The following MIA2 variants were observed in gnomAD, a reference collection of about 807,000 sequenced individuals.
The protein encoded by MIA2 is MIA SH3 domain ER export factor 2.
MIA2 carries 127 observed loss-of-function variants against 167.8 expected under a neutral mutation model. That is an observed-to-expected ratio of 0.76 (90% confidence interval 0.66 to 0.88). The LOEUF (loss-of-function observed/expected upper bound fraction) is 0.88. MIA2 is among the 40% of genes least tolerant of loss of function. The pLI, the probability that MIA2 is intolerant of heterozygous loss-of-function variation, is 0.00. For missense variants in MIA2, 1,690 were observed against 1,624.7 expected (o/e 1.04, Z -0.69); for synonymous variants, 552 against 541.9 (o/e 1.02, Z -0.26).
At chr14:39,360,336 T>C (rs184481711) in intron 23 of MIA2, among the ~76,000 whole-genome samples, 35 of 152,318 alleles carry the variant, frequency 2.3e-4, no homozygotes, top group Admixed American at 1.9e-3. Context: ...GATATCTCAC[T>C]GTGGCTTTGA....
intron 6 of MIA2, among the ~76,000 whole-genome samples, chr14:39,261,999 A>T (rs968195197): frequency 6.6e-6 from 1 of 151,976 alleles, no homozygotes; most frequent in Admixed American, 6.6e-5. Flanking sequence ...GTTTAATTAG[A>T]TCCCATTTGT....
At chr14:39,297,719 GAGAT>G (rs1179777739) in intron 13 of MIA2, among the ~76,000 whole-genome samples, 2 of 151,440 alleles carry the variant, frequency 1.3e-5, no homozygotes, top group Non-Finnish European at 2.9e-5. Flanking sequence ...GAAAGAGACA[GAGAT>G]AGAGAATGAA....
At chr14:39,303,562 A>G (rs1206781106) in intron 16 of MIA2, 38 bp downstream of exon 16, 2 of 1,497,780 alleles carry the variant, frequency 1.3e-6, no homozygotes, top group Non-Finnish European at 9.2e-7. Context: ...ATAAGGAGGA[A>G]GAAAGAGAAC....
intron 6 of MIA2, among the ~76,000 whole-genome samples, chr14:39,259,241 T>G (rs1293884441): frequency 6.6e-6 from 1 of 152,200 alleles, no homozygotes; most frequent in East Asian, 1.9e-4. Flanking sequence ...AATGGGGGTT[T>G]TGTCTGTAAG....
intron 14 of MIA2, among the ~76,000 whole-genome samples, chr14:39,301,818 G>T (rs1229719390): frequency 1.3e-5 from 2 of 152,056 alleles, no homozygotes; most frequent in African/African-American, 4.8e-5. Flanking sequence ...GTTAATTAGG[G>T]CACTGTTATT....
At chr14:39,333,362 ATTAG>A (rs1432379792) in intron 25 of MIA2, among the ~76,000 whole-genome samples, 3 of 152,150 alleles carry the variant, frequency 2.0e-5, no homozygotes, top group Non-Finnish European at 2.9e-5. Flanking sequence ...CAGCTCAAAT[ATTAG>A]TTCAGTTATT....
intron 14 of MIA2, among the ~76,000 whole-genome samples, chr14:39,301,573 G>A (rs545475021): frequency 6.6e-6 from 1 of 152,196 alleles, no homozygotes; most frequent in East Asian, 1.9e-4. Flanking sequence ...TCCCTCCAGA[G>A]GAATACATGA....
chr14:39,349,300 A>T (rs1468219301), intron 28 of MIA2, among the ~76,000 whole-genome samples: 2 of 151,502 alleles, frequency 1.3e-5, no homozygotes, highest in Non-Finnish European at 2.9e-5. Context: ...TTATTCTGAC[A>T]GTTAGTGAAA....
At chr14:39,316,152 G>T (rs964727208) in intron 21 of MIA2, among the ~76,000 whole-genome samples, 10 of 152,190 alleles carry the variant, frequency 6.6e-5, no homozygotes, top group Non-Finnish European at 1.5e-5. Context: ...CTGATCCTCA[G>T]TGTTGAATTA....
intron 6 of MIA2, chr14:39,266,625 A>T: frequency 2.0e-6 from 2 of 985,442 alleles, no homozygotes; most frequent in Non-Finnish European, 2.4e-6. Context: ...CTAAAGTCCA[A>T]AGTCCGGACG....
chr14:39,349,352 A>AT (rs1346358768), intron 28 of MIA2, among the ~76,000 whole-genome samples: 53 of 152,330 alleles, frequency 3.5e-4, no homozygotes, highest in African/African-American at 1.3e-3. Context: ...TGGCTAAGAT[A>AT]TTTTTTAAAG....
chr14:39,238,811 A>AAACAAAAAAAAAAAC, intron 2 of MIA2, among the ~76,000 whole-genome samples: 1 of 103,608 alleles, frequency 9.7e-6, no homozygotes, highest in Non-Finnish European at 1.9e-5. Context: ...AAAAAAAAAA[A>AAACAAAAAAAAAAAC]CCCAAAAAAC....
intron 15 of MIA2, among the ~76,000 whole-genome samples, chr14:39,302,704 A>G (rs1208487973): frequency 6.6e-6 from 1 of 152,188 alleles, no homozygotes; most frequent in Non-Finnish European, 1.5e-5. Flanking sequence ...TATTATTGCC[A>G]TTGATGGTTG....
In MIA2 at chr14:39,247,162, G is replaced by T; in HGVS notation, c.588G>T (p.Trp196Cys). The change falls in exon 4 of 29, where the codon TGG becomes TGT. Residue 196 changes from tryptophan to cysteine, a missense_variant. By Grantham distance (215) the Trp-to-Cys change is radical. Coordinates refer to ENST00000640607, the MANE Select transcript of MIA2 (RefSeq NM_001329214.4). ...DIGSTSESKD[W>C]EEVVVESMEQ... is the part of the protein sequence containing the mutation. ...GAAGTACCAGTGAATCAAAAGACTG[G>T]GAAGAAGTAGTTGTTGAAAGTATGG... 1 of 1,614,096 alleles carries T rather than the reference G, an allele frequency of 6.2e-7. No homozygotes were observed. The highest frequency in any genetic ancestry group is 1.1e-5 in the South Asian group (1 of 91,066).
chr14:39,247,709 G>A lies in MIA2; in HGVS notation c.1135G>A (p.Asp379Asn), dbSNP rs761153712. The change falls in exon 4 of 29, where the codon GAT (aspartate) becomes AAT (asparagine). Residue 379 changes from aspartate to asparagine, a missense_variant. Physicochemically the swap from Asp to Asn is conservative, Grantham distance 23. Coordinates refer to ENST00000640607, the MANE Select transcript of MIA2 (RefSeq NM_001329214.4). ...CTTGAGTCTCAAGCCAAGTTGGTTT[G>A]ATTTTGGTTTTGCTATACTAGGCTT... ...DSLSLKPSWF[D>N]FGFAILGFAY... 6 of 1,611,170 alleles carry A rather than the reference G, an allele frequency of 3.7e-6. No individual in the cohort carries two copies. The South Asian group carries it at 6.7e-5, about 18-fold the overall frequency.
At chr14:39,338,231 C>G (rs114428410) in intron 25 of MIA2, among the ~76,000 whole-genome samples, 1 of 152,068 alleles carries the variant, frequency 6.6e-6, no homozygotes, top group Non-Finnish European at 1.5e-5. Context: ...GAACTAGACA[C>G]GAGTTGTACC....
At chr14:39,356,359 C>T (rs568339002), downstream of MIA2, among the ~76,000 whole-genome samples, 1 of 152,136 alleles carries the variant, frequency 6.6e-6, no homozygotes, top group African/African-American at 2.4e-5. Context: ...TTATAGTATT[C>T]TCTGATGGTA....
At chr14:39,305,127 G>C (rs2063127224) in intron 17 of MIA2, among the ~76,000 whole-genome samples, 1 of 152,112 alleles carries the variant, frequency 6.6e-6, no homozygotes, top group Non-Finnish European at 1.5e-5. Context: ...TAAGTGAACT[G>C]CATTTATAAT....
At chr14:39,268,369 A>T (rs955163670) in intron 6 of MIA2, among the ~76,000 whole-genome samples, 1 of 152,180 alleles carries the variant, frequency 6.6e-6, no homozygotes, top group African/African-American at 2.4e-5. Flanking sequence ...ATTTAATATG[A>T]AAAGAGCACC....
Sources: allele counts gnomAD v4.1 joint callset (sites outside exome capture counted in the v4.1 genomes callset), GRCh38; gene constraint gnomAD v4.1.1; transcripts MANE v1.5; gene names NCBI Gene and HGNC (gene_info 2026-07-23, HGNC 2026-07-21).